The following ATXN1 variants were observed in gnomAD, a reference collection of about 807,000 sequenced individuals.
ATXN1 encodes ataxin 1, also known as ataxin-1.
ATXN1 carries 8 observed loss-of-function variants against 56.4 expected under a neutral mutation model. That is an observed-to-expected ratio of 0.14 (90% CI 0.08 to 0.26). The LOEUF (loss-of-function observed/expected upper bound fraction) is 0.26. Among genes scored for constraint, ATXN1 ranks in the 10% least tolerant of loss-of-function variants. The pLI, the probability that ATXN1 is intolerant of heterozygous loss-of-function variation, is 1.00. For missense variants in ATXN1, 987 were observed against 1,106.5 expected, an observed-to-expected ratio of 0.89 and a Z score of 1.53; for synonymous variants, 514 against 494.6, an observed-to-expected ratio of 1.04 and a Z score of -0.52.
intron 6 of ATXN1, among the ~76,000 whole-genome samples, chr6:16,348,604 A>AG (rs1761493561): frequency 6.6e-6 from 1 of 152,146 alleles, no homozygotes; most frequent in South Asian, 2.1e-4. Context: ...CTGAGGCAGA[A>AG]GAATCACTTG....
chr6:16,337,348 T>C (rs1169001935), intron 6 of ATXN1, among the ~76,000 whole-genome samples: 1 of 152,142 alleles, frequency 6.6e-6, no homozygotes, highest in Admixed American at 6.6e-5. Flanking sequence ...TCATGGCACA[T>C]GTCCGTGAGA....
intron 6 of ATXN1, among the ~76,000 whole-genome samples, chr6:16,459,396 T>C (rs1327088032): frequency 6.6e-6 from 1 of 152,200 alleles, no homozygotes; most frequent in Non-Finnish European, 1.5e-5. Flanking sequence ...GATATTGTTA[T>C]ACATTTAAAA....
At position 16,600,751 on chromosome 6, in the gene ATXN1, A is replaced by C. The variant is rs527255635; in HGVS notation, c.-488-14844T>G. Among the ~76,000 whole-genome samples the C allele has an allele frequency of 2.6e-5, 4 of 152,378 alleles. No individual in the cohort carries two copies. In the South Asian group the frequency reaches 8.3e-4, roughly 32 times the overall value. Reference sequence around the variant, plus strand: ...TTGTTTGGAATAAATGAATGAAAGAAACAGCCTCAAAATACTTTACAAGTT... The same window carrying C: ...TTGTTTGGAATAAATGAATGAAAGACACAGCCTCAAAATACTTTACAAGTT... On this transcript the variant is annotated intron_variant, in intron 3 of 7. Coordinates refer to ENST00000436367, the MANE Select transcript of ATXN1 (RefSeq NM_001128164.2).
intron 7 of ATXN1, among the ~76,000 whole-genome samples, chr6:16,311,497 A>G (rs900186336): frequency 6.6e-6 from 1 of 152,246 alleles, no homozygotes; most frequent in Admixed American, 6.5e-5. Flanking sequence ...CATGGTACAG[A>G]TAATTGTGAT....
At chr6:16,761,261 GA>G (rs1470549179) in intron 1 of ATXN1, 36 bp downstream of exon 1, 4 of 433,100 alleles carry the variant, frequency 9.2e-6, no homozygotes, top group East Asian at 1.4e-4. Flanking sequence ...GGGGAGGGGG[GA>G]AAGAATCGGA....
intron 2 of ATXN1, among the ~76,000 whole-genome samples, chr6:16,720,909 G>A (rs1759733314): frequency 6.6e-6 from 1 of 152,188 alleles, no homozygotes; most frequent in Admixed American, 6.5e-5. Flanking sequence ...CAGATACTGT[G>A]CTAGCAGTGA....
chr6:16,493,226 A>T (rs930216006), intron 5 of ATXN1, among the ~76,000 whole-genome samples: 1 of 152,182 alleles, frequency 6.6e-6, no homozygotes, highest in Non-Finnish European at 1.5e-5. Context: ...TTGATGCTGA[A>T]GATCTTCACA....
chr6:16,582,938 A>AT (rs1417322693), intron 4 of ATXN1, among the ~76,000 whole-genome samples: 1 of 152,206 alleles, frequency 6.6e-6, no homozygotes, highest in Non-Finnish European at 1.5e-5. Context: ...ACCTACACTC[A>AT]TGAGGTGCCT....
intron 6 of ATXN1, among the ~76,000 whole-genome samples, chr6:16,444,659 A>G (rs1427184222): frequency 6.6e-6 from 1 of 152,244 alleles, no homozygotes; most frequent in African/African-American, 2.4e-5. Flanking sequence ...AGCACCGGGT[A>G]GATAAATTAC....
chr6:16,568,255 G>C (rs1762265652), intron 4 of ATXN1, among the ~76,000 whole-genome samples: 1 of 152,168 alleles, frequency 6.6e-6, no homozygotes, highest in South Asian at 2.1e-4. Context: ...CTGCCAAAGG[G>C]AATGTTTCTC....
chr6:16,311,505 G>A (rs995829316), intron 7 of ATXN1, among the ~76,000 whole-genome samples: 2 of 152,190 alleles, frequency 1.3e-5, no homozygotes, highest in African/African-American at 4.8e-5. Context: ...AGATAATTGT[G>A]ATGCAGTGTT....
chr6:16,479,925 G>T (rs900906083), intron 6 of ATXN1, among the ~76,000 whole-genome samples: 3 of 152,192 alleles, frequency 2.0e-5, no homozygotes, highest in African/African-American at 7.2e-5. Flanking sequence ...GCCGAGGTGG[G>T]CAGATCACTT....
chr6:16,679,942 T>C (rs1456604719), intron 2 of ATXN1, among the ~76,000 whole-genome samples: 1 of 152,208 alleles, frequency 6.6e-6, no homozygotes, highest in Non-Finnish European at 1.5e-5. Flanking sequence ...TTAAGAGTAA[T>C]TTTTAAAATA....
intron 3 of ATXN1, among the ~76,000 whole-genome samples, chr6:16,653,403 G>A (rs1581333445): frequency 6.6e-6 from 1 of 152,212 alleles, no homozygotes; most frequent in African/African-American, 2.4e-5. Flanking sequence ...TTTCAGCAGC[G>A]GGACCGCTCT....
At chr6:16,422,843 A>G (rs1759064757) in intron 6 of ATXN1, among the ~76,000 whole-genome samples, 1 of 152,238 alleles carries the variant, frequency 6.6e-6, no homozygotes, top group Non-Finnish European at 1.5e-5. Context: ...TGTTTTCCCA[A>G]CCTGGGCCAA....
chr6:16,402,361 C>G (rs778529037), intron 6 of ATXN1, among the ~76,000 whole-genome samples: 2 of 143,228 alleles, frequency 1.4e-5, no homozygotes, highest in African/African-American at 2.6e-5. Context: ...GTTCTCCTTC[C>G]TTTTTATTTA....
chr6:16,692,235 G>A (rs973219428), intron 2 of ATXN1, among the ~76,000 whole-genome samples: 4 of 152,202 alleles, frequency 2.6e-5, no homozygotes, highest in Non-Finnish European at 4.4e-5. Context: ...CAGCCTGGGC[G>A]ACTGAGCGAG....
At chr6:16,711,806 C>T (rs1759530465) in intron 2 of ATXN1, among the ~76,000 whole-genome samples, 1 of 152,048 alleles carries the variant, frequency 6.6e-6, no homozygotes, top group Admixed American at 6.6e-5. Flanking sequence ...TTAATAGAGA[C>T]AGGGTTTCAC....
intron 6 of ATXN1, among the ~76,000 whole-genome samples, chr6:16,376,772 C>A (rs532275320): frequency 6.6e-6 from 1 of 152,298 alleles, no homozygotes; most frequent in East Asian, 1.9e-4. Flanking sequence ...TCTGAAATCA[C>A]TTCTTTTAAA....
Sources: gnomAD v4.1 joint callset for allele counts (sites outside exome capture counted in the v4.1 genomes callset) on GRCh38, gnomAD v4.1.1 for gene constraint, MANE v1.5 for transcripts, NCBI Gene and HGNC (gene_info 2026-07-23, HGNC 2026-07-21) for gene names.